The following MRO variants were observed in gnomAD, a reference collection of about 807,000 sequenced individuals.
MRO encodes the protein maestro, also known as protein maestro.
Under a neutral mutation model 31.0 loss-of-function variants are expected in MRO, and 28 were observed. That is an observed-to-expected ratio of 0.90 (90% confidence interval 0.67 to 1.24). MRO has a LOEUF of 1.24. Ranked by LOEUF, MRO falls within the 50% of genes most tolerant of loss-of-function variation. The probability of loss-of-function intolerance (pLI) is 0.00; values close to 1 mark genes in which losing one functional copy is unlikely to be tolerated. For synonymous variants in MRO, 108 were observed against 108.4 expected (o/e 1.00, Z 0.02); for missense variants, 332 against 289.2 (o/e 1.15, Z -1.07).
At chr18:50,802,920 T>TGTGTGTGTG (rs1555667895) in intron 5 of MRO, among the ~76,000 whole-genome samples, 143 of 134,962 alleles carry the variant, frequency 1.1e-3, no homozygotes, top group Middle Eastern at 7.9e-3. Flanking sequence ...GTGTGTAGTG[T>TGTGTGTGTG]GTGTGTGTGT....
In MRO at chr18:50,801,363, G is replaced by A; in HGVS notation, c.571C>T (p.Pro191Ser). Residue 191 changes from proline to serine, a missense_variant, in exon 6 of 8, where the codon CCC (proline) becomes TCC (serine). Transcript: ENST00000398439. The stretch of plus-strand genomic sequence containing the variant: ...CAAGGTCTTACCTTGGCAACCTGGG[G>A]ATTTCTGTCCTGTAAATGGATCAGG... ...SLLIHLQDRN[P>S]QVAKACKTTF... The A allele has an allele frequency of 1.3e-6, 2 of 1,584,712 alleles. No individual in the cohort carries two copies. The highest frequency in any genetic ancestry group is 1.1e-5 in the South Asian group (1 of 87,594).
chr18:50,815,357 G>T, intron 2 of MRO: 1 of 262,364 alleles, frequency 3.8e-6, no homozygotes, highest in Admixed American at 4.0e-5. Flanking sequence ...TGGAAAGGAG[G>T]CTATGGTGGT....
chr18:50,813,356 G>A (rs1914624199), intron 2 of MRO, among the ~76,000 whole-genome samples: 1 of 152,212 alleles, frequency 6.6e-6, no homozygotes, highest in Admixed American at 6.5e-5. Flanking sequence ...CTTTCCATCA[G>A]TTACCTGGCT....
In MRO at chr18:50,796,407, A is replaced by AAC. The variant is rs1555666029; in HGVS notation, c.*2929_*2930insGT. ...TTTCAATCTAACAGGATAAAAAAAA[A>AAC]AACATAAAGCCATATACAAAAAAAA... On this transcript the variant is annotated 3_prime_UTR_variant, in exon 8 of 8. Coordinates refer to ENST00000398439, the MANE Select transcript of MRO (RefSeq NM_031939.6). The AAC allele has an allele frequency of 4.6e-5, 7 of 151,830 alleles. No homozygotes were observed. In the East Asian group the frequency reaches 1.2e-3, roughly 25 times the overall value. 9.4% of individuals were successfully genotyped at this position (151,830 alleles called of 1,614,324 possible).
intron 5 of MRO, among the ~76,000 whole-genome samples, chr18:50,802,006 C>T (rs1300382379): frequency 6.6e-6 from 1 of 152,180 alleles, no homozygotes; most frequent in Non-Finnish European, 1.5e-5. Flanking sequence ...TCACATAATC[C>T]TTTCCCTCTT....
At chr18:50,805,756 C>A (rs148461882) in intron 4 of MRO, among the ~76,000 whole-genome samples, 4 of 151,824 alleles carry the variant, frequency 2.6e-5, no homozygotes, top group African/African-American at 9.7e-5. Flanking sequence ...AAAAAAAAAT[C>A]ACTTAAATTC....
rs61728184 is a variant in MRO, at chr18:50,809,144, C to CAAAAAAAAAAAAAAAAAA, written c.99+140_99+157dup. On this transcript the variant is annotated intron_variant, in intron 3 of 7. Transcript: ENST00000398439. ...TGGGCGACAGAGCGAGACTCCGTCTCAAAAAAAAAAAAAAAAAAAAAAAAA... is the reference window on the plus strand; with the variant it reads ...TGGGCGACAGAGCGAGACTCCGTCTCAAAAAAAAAAAAAAAAAAAAAAAAAAAAAAAAAAAAAAAAAAA... Among the ~76,000 whole-genome samples, 8 of 99,094 alleles carry CAAAAAAAAAAAAAAAAAA rather than the reference C, an allele frequency of 8.1e-5. 3 individuals are homozygous for CAAAAAAAAAAAAAAAAAA. Among genetic ancestry groups the CAAAAAAAAAAAAAAAAAA allele is most frequent in the African/African-American group, 9.1e-5 (2 of 21,942 alleles). The allele number at this position is 99,094 out of a possible 152,430, so 65.0% of individuals were successfully genotyped here. A position where few individuals can be genotyped will look rare whatever the true frequency, so the allele number is the denominator to read the frequency against.
rs899489073 is a variant in MRO, at chr18:50,796,745, G to A, written c.*2592C>T. 3 of 152,206 alleles carry A rather than the reference G, an allele frequency of 2.0e-5. No homozygotes were observed. The highest frequency in any genetic ancestry group is 2.9e-5 in the Non-Finnish European group (2 of 68,062). The allele number at this position is 152,206 out of a possible 1,614,324, so 9.4% of individuals were successfully genotyped here. A position where few individuals can be genotyped will look rare whatever the true frequency, so the allele number is the denominator to read the frequency against. On this transcript the variant is annotated 3_prime_UTR_variant, in exon 8 of 8. Coordinates refer to ENST00000398439, the MANE Select transcript of MRO (RefSeq NM_031939.6). ...AGCAAAGAGAGTAACAGAAGAAAAC[G>A]AAGGTTGAAAGCCTGAAATGGCAGA...
chr18:50,811,194 A>C (rs1317621888), intron 2 of MRO, among the ~76,000 whole-genome samples: 2 of 152,198 alleles, frequency 1.3e-5, no homozygotes, highest in Non-Finnish European at 2.9e-5. Flanking sequence ...TTTCAATTGT[A>C]CTTTGTAGAT....
chr18:50,805,874 C>T (rs1213814318), intron 4 of MRO, among the ~76,000 whole-genome samples: 5 of 152,108 alleles, frequency 3.3e-5, no homozygotes, highest in Admixed American at 2.0e-4. Context: ...GAGTGACACC[C>T]TGAATGAGTC....
chr18:50,825,154 C>T (rs1915471346), intron 1 of MRO, among the ~76,000 whole-genome samples: 1 of 152,048 alleles, frequency 6.6e-6, no homozygotes, highest in Admixed American at 6.6e-5. Context: ...TACTCCCACA[C>T]CATCACCAAC....
At chr18:50,799,458 T>C in intron 7 of MRO, 68 bp from the exon 8 acceptor site, 4 of 1,337,956 alleles carry the variant, frequency 3.0e-6, no homozygotes, top group Admixed American at 3.4e-5. Flanking sequence ...ATGTAACTAG[T>C]AGGCAGTGAT....
intron 2 of MRO, among the ~76,000 whole-genome samples, chr18:50,813,245 T>A (rs901579394): frequency 1.3e-5 from 2 of 152,098 alleles, no homozygotes; most frequent in Non-Finnish European, 2.9e-5. Flanking sequence ...AGGACCTATA[T>A]CTCCTTCATA....
At chr18:50,809,481 G>T in intron 2 of MRO, 77 bp from the exon 3 acceptor site, 1 of 982,044 alleles carries the variant, frequency 1.0e-6, no homozygotes. Context: ...AATGCATTGT[G>T]CTGGGGTAAG....
In MRO at chr18:50,805,291, G is replaced by A. The variant is rs150035259; in HGVS notation, c.292C>T (p.Leu98=). 1.6e-4 allele frequency: 263 copies of A among 1,614,060 alleles called. 1 individual carries two copies. Among genetic ancestry groups the A allele is most frequent in the Non-Finnish European group, 2.0e-4 (241 of 1,180,008 alleles). Residue 98 remains leucine (L), a synonymous_variant, in exon 5 of 8, where the codon CTG becomes TTG. Transcript: ENST00000398439. ...KIVLDLLVYG[L]YDPVNLEVIH... is the part of the protein sequence containing the mutation. The stretch of plus-strand genomic sequence containing the variant: ...ACTTCCAAATTCACAGGGTCATACA[G>A]TCCATACACCAGCAGGTCGAGGACA...
In MRO at chr18:50,809,320, C is replaced by A. The variant is rs771686284; in HGVS notation, c.81G>T (p.Met27Ile). The A allele has an allele frequency of 1.2e-6, 2 of 1,613,010 alleles. No homozygotes were observed. Among genetic ancestry groups the A allele is most frequent in the South Asian group, 2.2e-5 (2 of 91,020 alleles). The change falls in exon 3 of 8, where the codon ATG becomes ATT. Residue 27 changes from methionine (M) to isoleucine (I), a missense_variant. Coordinates refer to ENST00000398439, the MANE Select transcript of MRO (RefSeq NM_031939.6). ...GTCAGACCTTGGAAAAGAAAGATATCATTGATGTCCTTTTCTGCTTGGGCT... is the reference window on the plus strand; with the variant it reads ...GTCAGACCTTGGAAAAGAAAGATATAATTGATGTCCTTTTCTGCTTGGGCT... Reference protein sequence around the residue: ...TSQPKQKRTSMISFFSKVSWK... With the variant: ...TSQPKQKRTSIISFFSKVSWK...
chr18:50,814,155 C>T (rs904818559), intron 2 of MRO, among the ~76,000 whole-genome samples: 2 of 151,980 alleles, frequency 1.3e-5, no homozygotes, highest in Non-Finnish European at 2.9e-5. Flanking sequence ...TACAGGGAGA[C>T]TAAAAGACGT....
chr18:50,799,233 C>A lies in MRO; in HGVS notation c.*104G>T. The A allele has an allele frequency of 3.0e-6, 3 of 996,984 alleles. No homozygotes were observed. The highest frequency in any genetic ancestry group is 4.8e-6 in the Non-Finnish European group (3 of 629,148). 61.8% of individuals were successfully genotyped at this position (996,984 alleles called of 1,614,324 possible). On this transcript the variant is annotated 3_prime_UTR_variant, in exon 8 of 8. Coordinates refer to ENST00000398439, the MANE Select transcript of MRO (RefSeq NM_031939.6). The stretch of plus-strand genomic sequence containing the variant: ...CCAGCACCCTCTTTCCCATTACAAT[C>A]CCAAGAGGCAAGCAGTGAGAAGAGG...
upstream of MRO, among the ~76,000 whole-genome samples, chr18:50,821,241 A>T (rs1051678332): frequency 3.9e-5 from 6 of 152,140 alleles, no homozygotes; most frequent in Non-Finnish European, 8.8e-5. Context: ...TAGTGGTAAT[A>T]GGAAGAGGTG....
Sources: allele counts gnomAD v4.1 joint callset (sites outside exome capture counted in the v4.1 genomes callset), GRCh38; gene constraint gnomAD v4.1.1; transcripts MANE v1.5; gene names NCBI Gene and HGNC (gene_info 2026-07-23, HGNC 2026-07-21).